The following CTSB variants were observed in gnomAD, a reference collection of about 807,000 sequenced individuals.
CTSB encodes the protein APP secretase.
Under a neutral mutation model 44.3 loss-of-function variants are expected in CTSB, and 57 were observed. The ratio of observed to expected loss-of-function variants is 1.29; its 90% CI spans 1.04 to 1.60. The LOEUF (loss-of-function observed/expected upper bound fraction) is 1.60. CTSB is among the 40% of genes most tolerant of loss of function. CTSB has a pLI of 0.00. For missense variants in CTSB, 768 were observed against 443.0 expected (o/e 1.73, Z -6.59); for synonymous variants, 320 against 168.0 (o/e 1.91, Z -7.00).
At chr8:11,866,511 T>C (rs563344017) in intron 1 of CTSB, among the ~76,000 whole-genome samples, 14 of 152,350 alleles carry the variant, frequency 9.2e-5, no homozygotes, top group Admixed American at 4.6e-4. Flanking sequence ...TTGGGAAAGC[T>C]ACACAGGGTG....
In CTSB at chr8:11,849,112, G is replaced by A. The variant is rs749272302; in HGVS notation, c.380C>T (p.Ala127Val). 9.3e-6 allele frequency: 15 copies of A among 1,613,522 alleles called. No individual in the cohort carries two copies. The highest frequency in any genetic ancestry group is 2.2e-5 in the South Asian group (2 of 91,060). Reference protein sequence around the residue: ...ISDRICIHTNAHVSVEVSAED... With the variant: ...ISDRICIHTNVHVSVEVSAED... The stretch of plus-strand genomic sequence containing the variant: ...CGCCGACACCTCCACGCTGACGTGC[G>A]CATTGGTGTGGATGCAGATCCGGTC... The change falls in exon 5 of 10, where the codon GCG becomes GTG. Residue 127 changes from alanine to valine, a missense_variant. Ala to Val is a moderately conservative substitution (Grantham distance 64). Coordinates refer to ENST00000353047, the MANE Select transcript of CTSB (RefSeq NM_001908.5).
intron 1 of CTSB, among the ~76,000 whole-genome samples, chr8:11,862,696 C>T (rs1436987475): frequency 2.0e-5 from 3 of 152,244 alleles, no homozygotes. Flanking sequence ...TGGCACCGCC[C>T]TCCTGGGACT....
At chr8:11,848,935 C>CTGAG in intron 5 of CTSB, 111 bp downstream of exon 5, 1 of 741,932 alleles carries the variant, frequency 1.3e-6, no homozygotes, top group Non-Finnish European at 2.3e-6. Context: ...CTCCCCGAAA[C>CTGAG]ACTTCTGACT....
intron 8 of CTSB, chr8:11,846,379 CTT>C (rs904619895): frequency 1.3e-5 from 2 of 152,324 alleles, no homozygotes; most frequent in Non-Finnish European, 2.9e-5. Flanking sequence ...TTCACAGAAA[CTT>C]TTTCTTGCCA....
At chr8:11,847,363 G>C (rs1046596495) in intron 7 of CTSB, among the ~76,000 whole-genome samples, 195 bp from the exon 8 acceptor site, 1 of 152,156 alleles carries the variant, frequency 6.6e-6, no homozygotes, top group African/African-American at 2.4e-5. Context: ...CTCAGAAATG[G>C]GAGAACGGAG....
intron 1 of CTSB, among the ~76,000 whole-genome samples, chr8:11,861,935 T>C (rs1467955375): frequency 2.6e-5 from 4 of 152,190 alleles, no homozygotes; most frequent in African/African-American, 4.8e-5. Flanking sequence ...GGGCCGGGCA[T>C]GCTGGCTCAC....
rs755911829 is a variant in CTSB at position 11,847,662 on chromosome 8, G to A, written c.676+17C>T. ...CCAGCCTCCACGTGCGCCGTGGCCA[G>A]GCCCCAGGCCCCTTACCGTAGTGCT... On this transcript the variant is annotated intron_variant, in intron 7 of 9. Coordinates refer to ENST00000353047, the MANE Select transcript of CTSB (RefSeq NM_001908.5). 1.3e-6 allele frequency: 2 copies of A among 1,493,034 alleles called. No individual in the cohort carries two copies. Among genetic ancestry groups the A allele is most frequent in the Non-Finnish European group, 1.8e-6 (2 of 1,133,040 alleles). The allele number at this position is 1,493,034 out of a possible 1,614,324, so 92.5% of individuals were successfully genotyped here.
chr8:11,863,848 C>T (rs1227198853), intron 1 of CTSB, among the ~76,000 whole-genome samples: 1 of 152,172 alleles, frequency 6.6e-6, no homozygotes, highest in Admixed American at 6.5e-5. Context: ...TGCAACCACA[C>T]TGGAGAACCC....
chr8:11,845,809 C>T lies in CTSB; in HGVS notation c.794-20G>A, dbSNP rs1041872590. 3 of 1,602,124 alleles carry T rather than the reference C, an allele frequency of 1.9e-6. No homozygotes were observed. The African/African-American group carries it at 4.0e-5, about 21-fold the overall frequency. ...ACACTCCTGAAAAGGGAAGAACTGGCTGAGACCGAGACCGGGCCACTGTCC... is the reference window on the plus strand; with the variant it reads ...ACACTCCTGAAAAGGGAAGAACTGGTTGAGACCGAGACCGGGCCACTGTCC... On this transcript the variant is annotated intron_variant, in intron 8 of 9. Transcript: ENST00000353047.
intron 3 of CTSB, among the ~76,000 whole-genome samples, chr8:11,852,076 G>C (rs1056136305): frequency 6.6e-6 from 1 of 152,104 alleles, no homozygotes; most frequent in Non-Finnish European, 1.5e-5. Context: ...CCTTGGAGAA[G>C]CACAATAGAA....
At chr8:11,865,907 T>C (rs1225292469) in intron 1 of CTSB, among the ~76,000 whole-genome samples, 1 of 143,754 alleles carries the variant, frequency 7.0e-6, no homozygotes, top group Admixed American at 6.9e-5. Flanking sequence ...CCCAGCTACT[T>C]GGGAGGGAGG....
At chr8:11,863,521 T>G (rs1396469319) in intron 1 of CTSB, among the ~76,000 whole-genome samples, 1 of 151,818 alleles carries the variant, frequency 6.6e-6, no homozygotes, top group African/African-American at 2.4e-5. Flanking sequence ...ACAGGAAAAG[T>G]GTCACTCAAC....
At chr8:11,848,278 C>G (rs1563391355) in intron 5 of CTSB, 126 bp from the exon 6 acceptor site, 2 of 777,452 alleles carry the variant, frequency 2.6e-6, no homozygotes, top group Admixed American at 2.0e-5. Context: ...GTGGTGCGAG[C>G]AGACCTCCCA....
chr8:11,845,051 C>A lies in CTSB; in HGVS notation c.*74G>T, dbSNP rs868303266. ...GACCCTGTCTGAAACTTGTATCTTA[C>A]GTGAACTTAAAGAATAAAATGCATT... On this transcript the variant is annotated 3_prime_UTR_variant, in exon 10 of 10. Transcript: ENST00000353047. 9 of 1,016,914 alleles carry A rather than the reference C, an allele frequency of 8.9e-6. No individual in the cohort carries two copies. In the African/African-American group the frequency reaches 1.1e-4, roughly 13 times the overall value. 63.0% of individuals were successfully genotyped at this position (1,016,914 alleles called of 1,614,324 possible). A position where few individuals can be genotyped will look rare whatever the true frequency, so the allele number is the denominator to read the frequency against.
At chr8:11,863,456 T>A (rs1310049154) in intron 1 of CTSB, among the ~76,000 whole-genome samples, 3 of 149,710 alleles carry the variant, frequency 2.0e-5, no homozygotes, top group Admixed American at 6.7e-5. Context: ...AGACTCCGTT[T>A]CAAAAAAAAA....
At chr8:11,848,199 G>A (rs773675621) in intron 5 of CTSB, 47 bp from the exon 6 acceptor site, 9 of 1,522,294 alleles carry the variant, frequency 5.9e-6, no homozygotes, top group South Asian at 3.4e-5. Context: ...AGCACCACCA[G>A]CTCTCCAGAC....
chr8:11,856,045 G>T (rs1270800302), intron 1 of CTSB, among the ~76,000 whole-genome samples: 2 of 152,020 alleles, frequency 1.3e-5, no homozygotes, highest in Non-Finnish European at 2.9e-5. Flanking sequence ...ATAAAATAAA[G>T]TAAAATAAGT....
In CTSB at chr8:11,853,401, C is replaced by G. The variant is rs765313053; in HGVS notation, c.54G>C (p.Arg18=). 1 of 1,612,848 alleles carries G rather than the reference C, an allele frequency of 6.2e-7. No homozygotes were observed. Among genetic ancestry groups the G allele is most frequent in the East Asian group, 2.2e-5 (1 of 44,830 alleles). Residue 18 remains arginine (R), a synonymous_variant, in exon 2 of 10, where the codon CGG becomes CGC. Coordinates refer to ENST00000353047, the MANE Select transcript of CTSB (RefSeq NM_001908.5). ...ACAGGGGATGGAAAGAGGGCCTGCT[C>G]CGGGCATTGGCCAACACCAGCAGGC... ...LCCLLVLANA[R]SRPSFHPLSD...
At chr8:11,856,035 A>T (rs994813365) in intron 1 of CTSB, among the ~76,000 whole-genome samples, 2 of 152,174 alleles carry the variant, frequency 1.3e-5, no homozygotes, top group African/African-American at 4.8e-5. Flanking sequence ...CAAAAATAAA[A>T]TAAAATAAAG....
Sources: gnomAD v4.1 joint callset for allele counts (sites outside exome capture counted in the v4.1 genomes callset) on GRCh38, gnomAD v4.1.1 for gene constraint, MANE v1.5 for transcripts, NCBI Gene and HGNC (gene_info 2026-07-23, HGNC 2026-07-21) for gene names.